Variants in MACIR observed in about 807,000 individuals in gnomAD.
MACIR encodes macrophage immunometabolism regulator.
MACIR carries 4 observed loss-of-function variants against 14.3 expected under a neutral mutation model. The observed-to-expected ratio is 0.28, with a 90% confidence interval of 0.14 to 0.64. The LOEUF (loss-of-function observed/expected upper bound fraction) is 0.64, where lower values mean the gene tolerates loss of function less well. Ranked by LOEUF, MACIR falls within the 30% of genes least tolerant of loss-of-function variation. The pLI, the probability that MACIR is intolerant of heterozygous loss-of-function variation, is 0.83. For missense variants in MACIR, 228 were observed against 257.6 expected, an observed-to-expected ratio of 0.89 and a Z score of 0.79; for synonymous variants, 101 against 102.4, an observed-to-expected ratio of 0.99 and a Z score of 0.08.
In MACIR at chr5:103,276,673, T is replaced by C; in HGVS notation, c.*133T>C. The C allele has an allele frequency of 1.2e-6, 1 of 847,556 alleles. No individual in the cohort carries two copies. Among genetic ancestry groups the C allele is most frequent in the Non-Finnish European group, 1.7e-6 (1 of 578,532 alleles). The allele number at this position is 847,556 out of a possible 1,614,324, so 52.5% of individuals were successfully genotyped here. A position where few individuals can be genotyped will look rare whatever the true frequency, so the allele number is the denominator to read the frequency against. The stretch of plus-strand genomic sequence containing the variant: ...GCTAAGTGTTCCTGGAACATAAAAA[T>C]TGTTTGGGTCAAATTTGAATACAGG... On this transcript the variant is annotated 3_prime_UTR_variant, in exon 3 of 3. Coordinates refer to ENST00000319933, the MANE Select transcript of MACIR (RefSeq NM_033211.4).
rs78532933 is a variant in MACIR at position 103,266,298 on chromosome 5, A to G, written c.-24+301A>G. Among the ~76,000 whole-genome samples the G allele has an allele frequency of 7.9e-5, 12 of 152,282 alleles. No individual in the cohort carries two copies. The East Asian group carries it at 2.1e-3, about 27-fold the overall frequency. On this transcript the variant is annotated intron_variant, in intron 2 of 2. Coordinates refer to ENST00000319933, the MANE Select transcript of MACIR (RefSeq NM_033211.4). ...ATGAAATAATATTTCAAAGTATAGT[A>G]GTTAGAGGTAACTGTTCCAATTTGG...
At chr5:103,268,857 A>G (rs1805022232) in intron 2 of MACIR, among the ~76,000 whole-genome samples, 1 of 152,000 alleles carries the variant, frequency 6.6e-6, no homozygotes, top group African/African-American at 2.4e-5. Context: ...TGGTGGTTTC[A>G]GTGTCTTCTC....
chr5:103,269,160 A>G (rs1313067162), intron 2 of MACIR, among the ~76,000 whole-genome samples: 2 of 152,138 alleles, frequency 1.3e-5, no homozygotes, highest in African/African-American at 4.8e-5. Flanking sequence ...GTGAGCTATC[A>G]TTGCCCTACT....
intron 1 of MACIR, chr5:103,259,241 G>A (rs1473176734): frequency 2.6e-5 from 4 of 152,402 alleles, no homozygotes; most frequent in Admixed American, 6.5e-5. Context: ...CCCTGGCACA[G>A]GGGTGGGGCC....
At chr5:103,275,527 A>G (rs558773492) in intron 2 of MACIR, among the ~76,000 whole-genome samples, 1 of 152,328 alleles carries the variant, frequency 6.6e-6, no homozygotes, top group African/African-American at 2.4e-5. Flanking sequence ...GATGGCTTTC[A>G]TTTGCTTAAT....
Position 103,276,603 on chromosome 5 carries a change from G to C in MACIR, c.*63G>C. On this transcript the variant is annotated 3_prime_UTR_variant, in exon 3 of 3. Coordinates refer to ENST00000319933, the MANE Select transcript of MACIR (RefSeq NM_033211.4). Reference sequence around the variant, plus strand: ...TACGCTTGGCTAGAAAAAACCCACTGCTGTACTCTGTACATGACTCTTCAC... The same window carrying C: ...TACGCTTGGCTAGAAAAAACCCACTCCTGTACTCTGTACATGACTCTTCAC... The C allele has an allele frequency of 1.4e-6, 2 of 1,444,790 alleles. No individual in the cohort carries two copies. The highest frequency in any genetic ancestry group is 9.4e-7 in the Non-Finnish European group (1 of 1,062,530). The allele number at this position is 1,444,790 out of a possible 1,614,324, so 89.5% of individuals were successfully genotyped here.
At chr5:103,267,493 A>G (rs1580572877) in intron 2 of MACIR, among the ~76,000 whole-genome samples, 1 of 152,184 alleles carries the variant, frequency 6.6e-6, no homozygotes, top group South Asian at 2.1e-4. Context: ...ATGCATGTAC[A>G]TACAGATATA....
intron 2 of MACIR, among the ~76,000 whole-genome samples, chr5:103,273,836 G>T (rs1554237375): frequency 6.6e-6 from 1 of 152,172 alleles, no homozygotes; most frequent in East Asian, 1.9e-4. Flanking sequence ...TACTAAATGA[G>T]AATGCAGTAA....
intron 2 of MACIR, among the ~76,000 whole-genome samples, chr5:103,270,532 T>C (rs942517291): frequency 5.3e-5 from 8 of 152,178 alleles, no homozygotes; most frequent in Admixed American, 4.6e-4. Context: ...GAGCTTTCAG[T>C]TTGCATGCAT....
At chr5:103,271,362 G>A (rs1554237107) in intron 2 of MACIR, among the ~76,000 whole-genome samples, 2 of 152,084 alleles carry the variant, frequency 1.3e-5, no homozygotes, top group Admixed American at 6.6e-5. Context: ...TCAGACCTAT[G>A]CAGATTCTAT....
chr5:103,276,374 C>T lies in MACIR; in HGVS notation c.455C>T (p.Pro152Leu). Reference sequence around the variant, plus strand: ...GAACCTTACAAGGCCCTCCATGGGCCTCTGCCTCTTTGTCTTCTTAAAGGT... The same window carrying T: ...GAACCTTACAAGGCCCTCCATGGGCTTCTGCCTCTTTGTCTTCTTAAAGGT... ...PYEPYKALHG[P>L]LPLCLLKGKR... Residue 152 changes from proline (P) to leucine (L), a missense_variant, in exon 3 of 3, where the codon CCT becomes CTT. Transcript: ENST00000319933. 1 of 1,613,826 alleles carries T rather than the reference C, an allele frequency of 6.2e-7. No individual in the cohort carries two copies. Among genetic ancestry groups the T allele is most frequent in the East Asian group, 2.2e-5 (1 of 44,872 alleles).
chr5:103,263,199 A>ACCTCCTCCTCCTCCTCCT (rs1192451453), intron 1 of MACIR, among the ~76,000 whole-genome samples: 1 of 141,616 alleles, frequency 7.1e-6, no homozygotes, highest in East Asian at 2.1e-4. Context: ...TTCACCATAT[A>ACCTCCTCCTCCTCCTCCT]CCTCCTCCTC....
chr5:103,262,558 T>C (rs1296419151), intron 1 of MACIR, among the ~76,000 whole-genome samples: 1 of 152,186 alleles, frequency 6.6e-6, no homozygotes, highest in Non-Finnish European at 1.5e-5. Context: ...ACCTGAGAAA[T>C]TCGATACATT....
In MACIR at chr5:103,276,406, G is replaced by A. The variant is rs1805335796; in HGVS notation, c.487G>A (p.Ala163Thr). 6.2e-7 allele frequency: 1 copy of A among 1,613,742 alleles called. No individual in the cohort carries two copies. The highest frequency in any genetic ancestry group is 2.2e-5 in the East Asian group (1 of 44,884). ...LPLCLLKGKR[A>T]HSKSLDYLNL... ...TCTTTGTCTTCTTAAAGGTAAGAGG[G>A]CTCACTCCAAATCTCTGGACTACCT... Residue 163 changes from alanine to threonine, a missense_variant, in exon 3 of 3, where the codon GCT becomes ACT. Transcript: ENST00000319933.
chr5:103,265,840 A>T lies in MACIR; in HGVS notation c.-113-68A>T, dbSNP rs371635634. On this transcript the variant is annotated intron_variant, in intron 1 of 2. Transcript: ENST00000319933. ...TAGTTTTATTCTCTTTTGCAGTTAG[A>T]ATTGATATCATGTTATAAGTTGTGT... is the stretch of plus-strand genomic sequence containing the variant. The T allele has an allele frequency of 2.6e-5, 4 of 152,208 alleles. No homozygotes were observed. In the South Asian group the frequency reaches 8.3e-4, roughly 32 times the overall value. 9.4% of individuals were successfully genotyped at this position (152,208 alleles called of 1,614,324 possible). A position where few individuals can be genotyped will look rare whatever the true frequency, so the allele number is the denominator to read the frequency against.
chr5:103,270,385 C>T (rs1484414487), intron 2 of MACIR, among the ~76,000 whole-genome samples: 1 of 152,132 alleles, frequency 6.6e-6, no homozygotes, highest in East Asian at 1.9e-4. Context: ...CTCACTCTTA[C>T]ATTTGTAAAT....
At position 103,258,859 on chromosome 5, in the gene MACIR, C is replaced by T. The variant is rs1369129669; in HGVS notation, c.-151C>T. 6.6e-6 allele frequency: 1 copy of T among 152,392 alleles called. No homozygotes were observed. Among genetic ancestry groups the T allele is most frequent in the African/African-American group, 2.4e-5 (1 of 41,464 alleles). 9.4% of individuals were successfully genotyped at this position (152,392 alleles called of 1,614,324 possible). ...CCGCCCCTGTCTCCCGCTCCGCAGC[C>T]CCGGGCACGGCGGAGGCAGCGGAGC... On this transcript the variant is annotated 5_prime_UTR_variant, in exon 1 of 3. Transcript: ENST00000319933.
rs782424087 is a variant in MACIR at position 103,276,444 on chromosome 5, A to C, written c.525A>C (p.Lys175Asn). 1 of 1,614,002 alleles carries C rather than the reference A, an allele frequency of 6.2e-7. No homozygotes were observed. ...CTCTGGACTACCTCAATCTAGATAA[A>C]ATGATCAAGGAGCCAGCTGATACAG... ...SKSLDYLNLDKMIKEPADTEV... is the reference protein window; with the variant it reads ...SKSLDYLNLDNMIKEPADTEV... Residue 175 changes from lysine (K) to asparagine (N), a missense_variant, in exon 3 of 3, where the codon AAA (lysine) becomes AAC (asparagine). By Grantham distance (94) the Lys-to-Asn change is moderately conservative. Transcript: ENST00000319933.
intron 2 of MACIR, among the ~76,000 whole-genome samples, chr5:103,274,030 C>T (rs1431260691): frequency 1.3e-5 from 2 of 151,878 alleles, no homozygotes; most frequent in Non-Finnish European, 2.9e-5. Flanking sequence ...TTTTTTGCCT[C>T]ACTGACCCTC....
Sources: gnomAD v4.1 joint callset for allele counts (sites outside exome capture counted in the v4.1 genomes callset) on GRCh38, gnomAD v4.1.1 for gene constraint, MANE v1.5 for transcripts, NCBI Gene and HGNC (gene_info 2026-07-23, HGNC 2026-07-21) for gene names.